TNS3: variants seen among roughly 807,000 people sequenced by gnomAD.
TNS3 encodes the protein tensin 3.
In TNS3, 45 loss-of-function variants were observed where a neutral mutation model predicts 140.9. The observed-to-expected ratio is 0.32, with a 90% CI of 0.25 to 0.41. TNS3 has a LOEUF of 0.41. Among genes scored for constraint, TNS3 ranks in the 10% least tolerant of loss-of-function variants. The probability of loss-of-function intolerance (pLI) is 1.00; values close to 1 mark genes in which losing one functional copy is unlikely to be tolerated. For missense variants in TNS3, 1,716 were observed against 1,906.7 expected (o/e 0.90, Z 1.86); for synonymous variants, 815 against 788.4 (o/e 1.03, Z -0.56).
At chr7:47,486,201 G>C (rs960308336) in intron 3 of TNS3, among the ~76,000 whole-genome samples, 1 of 152,112 alleles carries the variant, frequency 6.6e-6, no homozygotes, top group African/African-American at 2.4e-5. Flanking sequence ...ATATGAGTGG[G>C]TGAGTCAGTA....
At chr7:47,383,906 T>C (rs572882729) in intron 16 of TNS3, among the ~76,000 whole-genome samples, 1 of 152,216 alleles carries the variant, frequency 6.6e-6, no homozygotes, top group Non-Finnish European at 1.5e-5. Context: ...GAGGAGGCCA[T>C]TACCTGGACT....
At chr7:47,308,196 G>A (rs1451914718) in intron 20 of TNS3, among the ~76,000 whole-genome samples, 1 of 152,174 alleles carries the variant, frequency 6.6e-6, no homozygotes, top group Non-Finnish European at 1.5e-5. Flanking sequence ...ACTACCATTT[G>A]TTGAGACTAT....
chr7:47,443,577 T>C (rs1417281791), intron 4 of TNS3, among the ~76,000 whole-genome samples: 1 of 152,176 alleles, frequency 6.6e-6, no homozygotes, highest in Non-Finnish European at 1.5e-5. Context: ...TTTGATGAAA[T>C]ATAAACAGAT....
At chr7:47,566,191 AC>A (rs1322849792) in intron 1 of TNS3, among the ~76,000 whole-genome samples, 1 of 152,196 alleles carries the variant, frequency 6.6e-6, no homozygotes, top group Non-Finnish European at 1.5e-5. Flanking sequence ...CACTGTGAGA[AC>A]TGCTGACTTA....
At position 47,304,817 on chromosome 7, in the gene TNS3, G is replaced by C; in HGVS notation, c.2822+15C>G. On this transcript the variant is annotated intron_variant, in intron 21 of 30. Transcript: ENST00000311160. ...AAGGGGAACTTGTGCCAAGTTTAAA[G>C]ATCCATCTTCTTACCTCTCTCTCCT... The C allele has an allele frequency of 7.4e-7, 1 of 1,346,920 alleles. No individual in the cohort carries two copies. The highest frequency in any genetic ancestry group is 9.6e-7 in the Non-Finnish European group (1 of 1,039,420). The allele number at this position is 1,346,920 out of a possible 1,614,324, so 83.4% of individuals were successfully genotyped here.
chr7:47,376,284 C>T lies in TNS3; in HGVS notation c.1025-6663G>A, dbSNP rs150891728. Among the ~76,000 whole-genome samples, 604 of 152,308 alleles carry T rather than the reference C, an allele frequency of 4.0e-3. 5 individuals carry two copies. The highest frequency in any genetic ancestry group is 0.011 in the African/African-American group (463 of 41,568). ...CAGATCAACAGAGGCAAGGGAAAGA[C>T]GGAGCAGTGTGTGAGAAGAAAGGCA... On this transcript the variant is annotated intron_variant, in intron 16 of 30. Transcript: ENST00000311160.
At chr7:47,325,168 C>A (rs1787960289) in intron 20 of TNS3, among the ~76,000 whole-genome samples, 1 of 152,110 alleles carries the variant, frequency 6.6e-6, no homozygotes. Context: ...TATCTTTGGT[C>A]CCATTTCCTT....
intron 16 of TNS3, among the ~76,000 whole-genome samples, chr7:47,395,278 C>T (rs1487726769): frequency 1.3e-5 from 2 of 152,210 alleles, no homozygotes; most frequent in Non-Finnish European, 2.9e-5. Context: ...CTCGCCTCAG[C>T]CTGGAATTTA....
rs1341067532 is a variant in TNS3 at position 47,311,267 on chromosome 7, CA to C, written c.2651-6265del. Among the ~76,000 whole-genome samples, 9 of 152,156 alleles carry C rather than the reference CA, an allele frequency of 5.9e-5. No homozygotes were observed. In the East Asian group the frequency reaches 1.7e-3, roughly 29 times the overall value. Reference sequence around the variant, plus strand: ...TTTTTAATGATTGCCATTCTGGGGGCAGGGGGAGGGATAGCATTAAGAGAAA... The same window carrying C: ...TTTTTAATGATTGCCATTCTGGGGGCGGGGGAGGGATAGCATTAAGAGAAA... On this transcript the variant is annotated intron_variant, in intron 20 of 30. Transcript: ENST00000311160.
At chr7:47,396,726 C>T in intron 16 of TNS3, 74 bp downstream of exon 16, 3 of 1,271,736 alleles carry the variant, frequency 2.4e-6, no homozygotes, top group Non-Finnish European at 3.4e-6. Flanking sequence ...CTGCAAAATA[C>T]TTCAGATATT....
In TNS3 at chr7:47,520,629, G is replaced by A. The variant is rs995025448; in HGVS notation, c.-153+8407C>T. On this transcript the variant is annotated intron_variant, in intron 2 of 30. Coordinates refer to ENST00000311160, the MANE Select transcript of TNS3 (RefSeq NM_022748.12). ...GTCCGTGTGGAGGCGGCTGAGAAAG[G>A]CTTTGTATTGCAACAGAGGAGCAGA... Among the ~76,000 whole-genome samples, 3 of 152,196 alleles carry A rather than the reference G, an allele frequency of 2.0e-5. No homozygotes were observed. The East Asian group carries it at 5.8e-4, about 29-fold the overall frequency.
chr7:47,371,495 G>A lies in TNS3; in HGVS notation c.1025-1874C>T, dbSNP rs115887005. ...GCTCCTGCTGGCCCACTGCCCACCT[G>A]CCCAGAGAGCACCAGGAGGGCACAC... On this transcript the variant is annotated intron_variant, in intron 16 of 30. Transcript: ENST00000311160. 6.4e-3 allele frequency among the ~76,000 whole-genome samples: 971 copies of A among 152,302 alleles called. 4 individuals carry two copies. Among genetic ancestry groups the A allele is most frequent in the African/African-American group, 0.022 (902 of 41,560 alleles).
At chr7:47,437,745 TACAC>T (rs67341898) in intron 6 of TNS3, among the ~76,000 whole-genome samples, 7,598 of 135,732 alleles carry the variant, frequency 0.056, 492 homozygotes, top group African/African-American at 0.15. Flanking sequence ...ACATATAGGA[TACAC>T]ACACACACAC....
At chr7:47,505,547 A>G (rs1271459766) in intron 3 of TNS3, among the ~76,000 whole-genome samples, 1 of 152,132 alleles carries the variant, frequency 6.6e-6, no homozygotes, top group African/African-American at 2.4e-5. Context: ...GCCAGCAAGG[A>G]GGTGTGGCCA....
intron 1 of TNS3, among the ~76,000 whole-genome samples, chr7:47,537,124 C>A (rs527805517): frequency 6.6e-6 from 1 of 152,008 alleles, no homozygotes; most frequent in South Asian, 2.1e-4. Flanking sequence ...CCCTGCCGCC[C>A]GCGGGGAGCC....
At chr7:47,460,091 T>C (rs2151683235) in intron 4 of TNS3, among the ~76,000 whole-genome samples, 1 of 151,874 alleles carries the variant, frequency 6.6e-6, no homozygotes, top group East Asian at 1.9e-4. Flanking sequence ...CGGGCTCCTG[T>C]AGTCCCAGCT....
chr7:47,452,721 C>T (rs991996049), intron 4 of TNS3, among the ~76,000 whole-genome samples: 4 of 152,156 alleles, frequency 2.6e-5, no homozygotes, highest in Admixed American at 6.5e-5. Flanking sequence ...ATAAGTTTCC[C>T]AAGAAGGGGC....
At chr7:47,420,180 C>T (rs1794298754) in intron 10 of TNS3, among the ~76,000 whole-genome samples, 1 of 152,122 alleles carries the variant, frequency 6.6e-6, no homozygotes, top group Non-Finnish European at 1.5e-5. Flanking sequence ...TCAAAAATGA[C>T]AGAAATATGA....
At chr7:47,331,265 G>A (rs1031094190) in intron 20 of TNS3, among the ~76,000 whole-genome samples, 2 of 152,178 alleles carry the variant, frequency 1.3e-5, no homozygotes, top group African/African-American at 2.4e-5. Context: ...GAATGCCTCC[G>A]AGGGACCAGG....
Sources: allele counts gnomAD v4.1 joint callset (sites outside exome capture counted in the v4.1 genomes callset), GRCh38; gene constraint gnomAD v4.1.1; transcripts MANE v1.5; gene names NCBI Gene and HGNC (gene_info 2026-07-23, HGNC 2026-07-21).